DSP: variants seen among roughly 807,000 people sequenced by gnomAD.
DSP encodes desmoplakin, also known as 250/210 kDa paraneoplastic pemphigus antigen.
In DSP, 114 loss-of-function variants were observed where a neutral mutation model predicts 290.6. The ratio of observed to expected loss-of-function variants is 0.39; its 90% CI spans 0.34 to 0.46. The LOEUF is 0.46. Among genes scored for constraint, DSP ranks in the 20% least tolerant of loss-of-function variants. The probability of loss-of-function intolerance (pLI) is 0.99; values close to 1 mark genes in which losing one functional copy is unlikely to be tolerated. For missense variants in DSP, 3,230 were observed against 3,495.8 expected (o/e 0.92, Z 1.92); for synonymous variants, 1,311 against 1,316.4 (o/e 1.00, Z 0.09).
chr6:7,583,435 T>A lies in DSP; in HGVS notation c.6173T>A (p.Ile2058Lys). ...LLEAQAATGG[I>K]IDPHRNEKLT... ...GAGGCCCAGGCAGCTACAGGTGGTA[T>A]AATTGATCCCCATCGGAATGAGAAG... The change falls in exon 24 of 24, where the codon ATA (isoleucine) becomes AAA (lysine). Residue 2058 changes from isoleucine (I) to lysine (K), a missense_variant. Physicochemically the swap from Ile to Lys is moderately radical, Grantham distance 102 (BLOSUM62 -3). This residue lies in a region of DSP where 1,714 missense variants were observed against 1,844.5 expected (regional missense o/e 0.93). Coordinates refer to ENST00000379802, the MANE Select transcript of DSP (RefSeq NM_004415.4). The surrounding 1 kb of genome is among the most constrained non-coding windows in gnomAD (Gnocchi z 4.0). The A allele has an allele frequency of 6.2e-7, 1 of 1,614,146 alleles. No individual in the cohort carries two copies. The highest frequency in any genetic ancestry group is 8.5e-7 in the Non-Finnish European group (1 of 1,180,038).
At chr6:7,560,100 A>G (rs548761720) in intron 4 of DSP, among the ~76,000 whole-genome samples, 2 of 152,376 alleles carry the variant, frequency 1.3e-5, no homozygotes, top group African/African-American at 2.4e-5. Context: ...TGGTAGAAAT[A>G]TGCCACAATC....
chr6:7,546,103 G>A (rs970093784), intron 1 of DSP, among the ~76,000 whole-genome samples: 17 of 152,274 alleles, frequency 1.1e-4, no homozygotes, highest in African/African-American at 3.6e-4. Flanking sequence ...CTGTTTAGGC[G>A]TTGGCTTAAG....
chr6:7,551,929 T>G (rs2237103), intron 1 of DSP, among the ~76,000 whole-genome samples: 40,720 of 151,890 alleles, frequency 0.27, 5,966 homozygotes, highest in African/African-American at 0.39. Context: ...TAGTTCCTTT[T>G]CTCGCCTCGG....
At position 7,580,006 on chromosome 6, in the gene DSP, A is replaced by T; in HGVS notation, c.3816A>T (p.Glu1272Asp). The change falls in exon 23 of 24, where the codon GAA (glutamate) becomes GAT (aspartate). Residue 1272 changes from glutamate to aspartate, a missense_variant. Physicochemically the swap from Glu to Asp is conservative, Grantham distance 45 (BLOSUM62 2). This residue lies in a region of DSP where 1,714 missense variants were observed against 1,844.5 expected (regional missense o/e 0.93). Coordinates refer to ENST00000379802, the MANE Select transcript of DSP (RefSeq NM_004415.4). This position sits in a 1 kb window ranked among gnomAD's most constrained non-coding sequence, Gnocchi z 4.2. ...CTGAGCAGCGAAGGCGAGCTGAAGA[A>T]AACGCCCTTCAGCAAAAGGCCTGTG... ...QATEQRRRAE[E>D]NALQQKACGS... The T allele has an allele frequency of 2.5e-6, 4 of 1,614,174 alleles. No homozygotes were observed. The South Asian group carries it at 3.3e-5, about 13-fold the overall frequency.
intron 12 of DSP, among the ~76,000 whole-genome samples, chr6:7,569,758 T>G (rs555530027): frequency 3.3e-5 from 5 of 151,730 alleles, no homozygotes; most frequent in Non-Finnish European, 7.4e-5. Context: ...TGCTTGAACC[T>G]GGGAGGGGGA....
chr6:7,572,215 A>G, intron 15 of DSP, 147 bp downstream of exon 15: 1 of 779,436 alleles, frequency 1.3e-6, no homozygotes. Flanking sequence ...CTTATGTATT[A>G]TGTTTCCAAA....
chr6:7,542,011 C>A lies in DSP; in HGVS notation c.96C>A (p.Ser32Arg), dbSNP rs1440994214. The change falls in exon 1 of 24, where the codon AGC becomes AGA. Residue 32 changes from serine (S) to arginine (R), a missense_variant. Around this residue, in one of 5 missense-constraint regions of DSP, gnomAD observed 646 missense variants for 684.3 expected, o/e 0.94. Transcript: ENST00000379802. The part of the protein sequence containing the change: ...SGPDLRYEVT[S>R]GGGGTSRMYY... ...CGGACCTGCGCTACGAGGTGACCAG[C>A]GGCGGCGGGGGCACCAGCAGGATGT... 1 of 1,589,966 alleles carries A rather than the reference C, an allele frequency of 6.3e-7. No homozygotes were observed. Among genetic ancestry groups the A allele is most frequent in the Non-Finnish European group, 8.6e-7 (1 of 1,169,226 alleles).
chr6:7,568,175 C>T (rs547742197), intron 10 of DSP, among the ~76,000 whole-genome samples: 48 of 152,182 alleles, frequency 3.2e-4, no homozygotes, highest in African/African-American at 1.0e-3. Flanking sequence ...CCTTTGGGAA[C>T]GCATACTTCA....
At position 7,579,864 on chromosome 6, in the gene DSP, C is replaced by T. The variant is rs1433619020; in HGVS notation, c.3674C>T (p.Ser1225Phe). Reference sequence around the variant, plus strand: ...ACGAAGACCACCATCAAGGAGATATCCATGCAAAAAGAGGATGATTCCAAA... The same window carrying T: ...ACGAAGACCACCATCAAGGAGATATTCATGCAAAAAGAGGATGATTCCAAA... ...NITKTTIKEI[S>F]MQKEDDSKNL... The change falls in exon 23 of 24, where the codon TCC (serine) becomes TTC (phenylalanine). Residue 1225 changes from serine (S) to phenylalanine (F), a missense_variant. Physicochemically the swap from Ser to Phe is radical, Grantham distance 155 (BLOSUM62 -2). Around this residue, in one of 5 missense-constraint regions of DSP, gnomAD observed 1,714 missense variants for 1,844.5 expected, o/e 0.93. Transcript: ENST00000379802. The surrounding 1 kb of genome is among the most constrained non-coding windows in gnomAD (Gnocchi z 4.1). The T allele has an allele frequency of 6.2e-7, 1 of 1,614,054 alleles. No individual in the cohort carries two copies. Among genetic ancestry groups the T allele is most frequent in the Non-Finnish European group, 8.5e-7 (1 of 1,180,024 alleles).
At chr6:7,549,166 T>G (rs1758259941) in intron 1 of DSP, among the ~76,000 whole-genome samples, 1 of 142,946 alleles carries the variant, frequency 7.0e-6, no homozygotes, top group Admixed American at 6.9e-5. Context: ...TTTTTTTTTT[T>G]GAGACGGAGT....
Position 7,585,919 on chromosome 6 carries a change from T to A in DSP, c.*41T>A. On this transcript the variant is annotated 3_prime_UTR_variant, in exon 24 of 24. Coordinates refer to ENST00000379802, the MANE Select transcript of DSP (RefSeq NM_004415.4). The stretch of plus-strand genomic sequence containing the variant: ...GGTTGCTATACCTTGACTTCATTTA[T>A]ATGAATTTCCACTTTATTAAATAAT... 1 of 1,578,338 alleles carries A rather than the reference T, an allele frequency of 6.3e-7. No homozygotes were observed. The highest frequency in any genetic ancestry group is 8.7e-7 in the Non-Finnish European group (1 of 1,150,886).
rs1443013612 is a variant in DSP, at chr6:7,574,075, A to G, written c.2131-11A>G. The G allele has an allele frequency of 3.7e-6, 6 of 1,613,984 alleles. No individual in the cohort carries two copies. The highest frequency in any genetic ancestry group is 2.2e-5 in the East Asian group (1 of 44,850). ...AGCTAAATCAAAAGAGCTTTCCTTC[A>G]TTTTTGACAGAGTGTGCAGAATGAT... On this transcript the variant is annotated splice_polypyrimidine_tract_variant and intron_variant, in intron 15 of 23. Coordinates refer to ENST00000379802, the MANE Select transcript of DSP (RefSeq NM_004415.4).
chr6:7,571,559 C>T lies in DSP; in HGVS notation c.1878C>T (p.Leu626=). 1.2e-6 allele frequency: 2 copies of T among 1,614,222 alleles called. No homozygotes were observed. The highest frequency in any genetic ancestry group is 2.2e-5 in the East Asian group (1 of 44,890). ...QKHYQTLVIQ[L]PGYPQHQTVT... is the part of the protein sequence containing the mutation. ...ATTACCAGACCCTGGTCATTCAGCT[C>T]CCTGGCTATCCCCAGCACCAGACAG... The change falls in exon 14 of 24, where the codon CTC becomes CTT. Residue 626 remains leucine, a synonymous_variant. Transcript: ENST00000379802.
chr6:7,554,125 A>ACACACCCC (rs772041102), intron 1 of DSP, among the ~76,000 whole-genome samples: 3 of 144,398 alleles, frequency 2.1e-5, no homozygotes, highest in African/African-American at 8.0e-5. Flanking sequence ...ACACACACAC[A>ACACACCCC]CCCAGTTGGT....
rs1184201721 is a variant in DSP at position 7,581,551 on chromosome 6, C to T, written c.5361C>T (p.Phe1787=). Residue 1787 remains phenylalanine (F), a synonymous_variant, in exon 23 of 24, where the codon TTC becomes TTT. Coordinates refer to ENST00000379802, the MANE Select transcript of DSP (RefSeq NM_004415.4). ...RENLRQEIEK[F]QKQALEASNR... The stretch of plus-strand genomic sequence containing the variant: ...ATTTGAGACAGGAAATTGAGAAATT[C>T]CAAAAGCAGGCTTTAGAGGTATTCA... 1.2e-6 allele frequency: 2 copies of T among 1,613,552 alleles called. No individual in the cohort carries two copies. Among genetic ancestry groups the T allele is most frequent in the African/African-American group, 1.3e-5 (1 of 74,914 alleles).
chr6:7,552,343 G>A (rs1310439079), intron 1 of DSP, among the ~76,000 whole-genome samples: 2 of 151,740 alleles, frequency 1.3e-5, no homozygotes, highest in African/African-American at 4.8e-5. Flanking sequence ...ATCATTTGAG[G>A]TCAGGAGTTT....
chr6:7,573,434 T>A (rs1561691799), intron 15 of DSP, among the ~76,000 whole-genome samples: 1 of 151,888 alleles, frequency 6.6e-6, no homozygotes, highest in Non-Finnish European at 1.5e-5. Context: ...AAAAATTAGC[T>A]GGGTGTGGTG....
intron 4 of DSP, among the ~76,000 whole-genome samples, chr6:7,560,315 A>G (rs115291054): frequency 0.014 from 2,124 of 152,316 alleles, 17 homozygotes; most frequent in Non-Finnish European, 0.021. Flanking sequence ...TTCTTTCCTA[A>G]GTAGTGAGGA....
intron 1 of DSP, among the ~76,000 whole-genome samples, chr6:7,543,393 C>CTTTT (rs397886749): frequency 2.5e-4 from 20 of 80,022 alleles, no homozygotes; most frequent in African/African-American, 7.3e-4. Context: ...TCTATTTTCG[C>CTTTT]TTTTTTTTTT....
Sources: gnomAD v4.1 joint callset for allele counts (sites outside exome capture counted in the v4.1 genomes callset) on GRCh38, gnomAD v4.1.1 for gene constraint, gnomAD v4.1.1 regional missense constraint, Gnocchi (gnomAD v3.1) non-coding constraint, MANE v1.5 for transcripts, NCBI Gene and HGNC (gene_info 2026-07-23, HGNC 2026-07-21) for gene names.